PDXK: variants seen among roughly 807,000 people sequenced by gnomAD.
PDXK encodes pyridoxal kinase.
PDXK carries 15 observed loss-of-function variants against 43.2 expected under a neutral mutation model. The observed-to-expected ratio is 0.35, with a 90% CI of 0.23 to 0.53. PDXK has a LOEUF of 0.53. Among genes scored for constraint, PDXK ranks in the 20% least tolerant of loss-of-function variants. The pLI is 0.92. For synonymous variants in PDXK, 172 were observed against 165.4 expected, an observed-to-expected ratio of 1.04 and a Z score of -0.31; for missense variants, 343 against 417.0, an observed-to-expected ratio of 0.82 and a Z score of 1.54.
intron 5 of PDXK, among the ~76,000 whole-genome samples, 200 bp downstream of exon 5, chr21:43,746,325 C>A (rs1480574505): frequency 6.6e-6 from 1 of 152,186 alleles, no homozygotes; most frequent in Non-Finnish European, 1.5e-5. Context: ...AATATCGACA[C>A]CTTTGCCGGC....
At chr21:43,750,362 G>A in intron 6 of PDXK, 138 bp from the exon 7 acceptor site, 1 of 712,696 alleles carries the variant, frequency 1.4e-6, no homozygotes. Context: ...CCCGGCCCAG[G>A]GTGGCCAGTG....
chr21:43,730,491 C>T lies in PDXK; in HGVS notation c.88-3578C>T, dbSNP rs1046223469. On this transcript the variant is annotated intron_variant, in intron 1 of 10. Coordinates refer to ENST00000291565, the MANE Select transcript of PDXK (RefSeq NM_003681.5). ...TGTGAATACTTCCACTATAGCTGAA[C>T]GTAAACTACCAACCTGAGCAGGAAA... 5.9e-5 allele frequency among the ~76,000 whole-genome samples: 9 copies of T among 152,226 alleles called. No individual in the cohort carries two copies. In the South Asian group the frequency reaches 6.2e-4, roughly 11 times the overall value.
At chr21:43,719,940 G>A in intron 1 of PDXK, 1 of 985,286 alleles carries the variant, frequency 1.0e-6, no homozygotes, top group Non-Finnish European at 1.2e-6. Context: ...GACCACGCCA[G>A]GAGGTGGCCG....
chr21:43,740,619 G>A (rs2083481775), intron 2 of PDXK, among the ~76,000 whole-genome samples: 1 of 151,872 alleles, frequency 6.6e-6, no homozygotes, highest in Non-Finnish European at 1.5e-5. Flanking sequence ...GTGCAGGAAG[G>A]GCTCCCAGGA....
rs760165179 is a variant in PDXK at position 43,732,333 on chromosome 21, C to T, written c.88-1736C>T. On this transcript the variant is annotated intron_variant, in intron 1 of 10. Transcript: ENST00000291565. This position sits in a 1 kb window ranked among gnomAD's most constrained non-coding sequence, Gnocchi z 4.1. ...GGACCTTGGCACCCCGCCCCCCGTG[C>T]ATTGTCGTCTTCTGAGTCTGGCTTT... 1.9e-6 allele frequency: 3 copies of T among 1,606,656 alleles called. No homozygotes were observed. In the South Asian group the frequency reaches 3.3e-5, roughly 18 times the overall value.
intron 7 of PDXK, 32 bp downstream of exon 7, chr21:43,750,577 A>T: frequency 6.3e-7 from 1 of 1,583,048 alleles, no homozygotes; most frequent in Non-Finnish European, 8.7e-7. Flanking sequence ...TGTGCGGGGC[A>T]CATGTGCCGC....
At chr21:43,733,158 A>C (rs1314715808) in intron 1 of PDXK, among the ~76,000 whole-genome samples, 2 of 152,066 alleles carry the variant, frequency 1.3e-5, no homozygotes. Flanking sequence ...GGCAAATACA[A>C]ATCGTAAGCA....
At position 43,737,644 on chromosome 21, in the gene PDXK, G is replaced by A; in HGVS notation, c.142+3521G>A. ...AAGGGGCAGCTGGTGTGAACACAAG[G>A]AGCTGCGGGGCTGGAGAAGGCCAGG... On this transcript the variant is annotated intron_variant, in intron 2 of 10. Transcript: ENST00000291565. The surrounding 1 kb of genome is among the most constrained non-coding windows in gnomAD (Gnocchi z 4.8). 1.0e-6 allele frequency: 1 copy of A among 986,048 alleles called. No individual in the cohort carries two copies. The highest frequency in any genetic ancestry group is 1.2e-6 in the Non-Finnish European group (1 of 830,996). 61.1% of individuals were successfully genotyped at this position (986,048 alleles called of 1,614,324 possible).
rs777686019 is a variant in PDXK at position 43,750,484 on chromosome 21, C to T, written c.465-16C>T. 6.2e-7 allele frequency: 1 copy of T among 1,609,708 alleles called. No individual in the cohort carries two copies. The highest frequency in any genetic ancestry group is 1.1e-5 in the South Asian group (1 of 90,192). On this transcript the variant is annotated splice_polypyrimidine_tract_variant and intron_variant, in intron 6 of 10. Transcript: ENST00000291565. ...GCTCACCTGTCCCCACCCGCCTGTC[C>T]CCGCCTGTCTTCCAGGTTACTGAGT... is the stretch of plus-strand genomic sequence containing the variant.
intron 2 of PDXK, chr21:43,738,389 C>T (rs1437260963): frequency 1.3e-5 from 2 of 152,248 alleles, no homozygotes; most frequent in Admixed American, 6.5e-5. Flanking sequence ...GAATTGGAGC[C>T]GCCTGGCTGC....
chr21:43,733,947 G>T, intron 1 of PDXK, 122 bp from the exon 2 acceptor site: 1 of 933,310 alleles, frequency 1.1e-6, no homozygotes. Flanking sequence ...CCAGCCTGCA[G>T]CTGGGGGCCC....
At chr21:43,740,549 C>T (rs2083480286) in intron 2 of PDXK, among the ~76,000 whole-genome samples, 1 of 152,000 alleles carries the variant, frequency 6.6e-6, no homozygotes, top group South Asian at 2.1e-4. Context: ...GACCCCCACC[C>T]TGTGTGGATG....
At chr21:43,743,847 C>T (rs1006278668) in intron 4 of PDXK, 40 bp downstream of exon 4, 2 of 1,470,750 alleles carry the variant, frequency 1.4e-6, no homozygotes, top group Non-Finnish European at 1.9e-6. Context: ...TGTGTGGCCC[C>T]ACACGGGTGG....
At chr21:43,730,195 GGCTCACTGC>G (rs1427248311) in intron 1 of PDXK, among the ~76,000 whole-genome samples, 2 of 151,950 alleles carry the variant, frequency 1.3e-5, no homozygotes. Context: ...TTGCAGTCTT[GGCTCACTGC>G]AACCTCCGCC....
chr21:43,754,025 G>A lies in PDXK; in HGVS notation c.759+306G>A, dbSNP rs570691178. On this transcript the variant is annotated intron_variant, in intron 9 of 10. Coordinates refer to ENST00000291565, the MANE Select transcript of PDXK (RefSeq NM_003681.5). This position sits in a 1 kb window ranked among gnomAD's most constrained non-coding sequence, Gnocchi z 5.5. ...AGGATTCAGATGCCACCCGCTTGGC[G>A]TTGGCGCAGGGCTGTGGGATGCATG... Among the ~76,000 whole-genome samples, 42 of 152,382 alleles carry A rather than the reference G, an allele frequency of 2.8e-4. No individual in the cohort carries two copies. In the South Asian group the frequency reaches 6.0e-3, roughly 22 times the overall value.
chr21:43,738,886 T>C (rs1038285375), intron 2 of PDXK: 10 of 152,298 alleles, frequency 6.6e-5, no homozygotes, highest in Non-Finnish European at 1.0e-4. Flanking sequence ...GCAGCCTCCA[T>C]TTTGCCACTG....
intron 3 of PDXK, among the ~76,000 whole-genome samples, chr21:43,742,531 T>C (rs950017254): frequency 7.9e-5 from 12 of 152,150 alleles, no homozygotes; most frequent in African/African-American, 2.9e-4. Context: ...CCTCCCAAAG[T>C]GTTAGAATTA....
Position 43,734,473 on chromosome 21 carries a change from C to G in PDXK, c.142+350C>G, listed in dbSNP as rs1427103267. Among the ~76,000 whole-genome samples the G allele has an allele frequency of 6.6e-6, 1 of 152,192 alleles. No individual in the cohort carries two copies. Among genetic ancestry groups the G allele is most frequent in the Non-Finnish European group, 1.5e-5 (1 of 68,030 alleles). ...GAGGTTGCCAGAGTTGATTACGTCA[C>G]TTGCATAAAATGCTTGGACCAATGC... On this transcript the variant is annotated intron_variant, in intron 2 of 10. Coordinates refer to ENST00000291565, the MANE Select transcript of PDXK (RefSeq NM_003681.5). The surrounding 1 kb of genome is among the most constrained non-coding windows in gnomAD (Gnocchi z 5.0).
chr21:43,732,464 G>T lies in PDXK; in HGVS notation c.88-1605G>T. ...TGGGGTGTGTGAAACGGAGATGCCA[G>T]CCCAGGGGCTCAGCTTGCTCGTGCT... On this transcript the variant is annotated intron_variant, in intron 1 of 10. Coordinates refer to ENST00000291565, the MANE Select transcript of PDXK (RefSeq NM_003681.5). This position sits in a 1 kb window ranked among gnomAD's most constrained non-coding sequence, Gnocchi z 4.1. 6.2e-7 allele frequency: 1 copy of T among 1,606,836 alleles called. No homozygotes were observed. Among genetic ancestry groups the T allele is most frequent in the Non-Finnish European group, 8.5e-7 (1 of 1,174,348 alleles).
Sources: allele counts gnomAD v4.1 joint callset (sites outside exome capture counted in the v4.1 genomes callset), GRCh38; gene constraint gnomAD v4.1.1; non-coding constraint Gnocchi (gnomAD v3.1); transcripts MANE v1.5; gene names NCBI Gene and HGNC (gene_info 2026-07-23, HGNC 2026-07-21).